Variants in INVS observed in about 807,000 individuals in gnomAD.
The protein encoded by INVS is inversion of embryo turning homolog.
A neutral mutation model predicts 108.8 loss-of-function variants in INVS; 86 were observed. The observed-to-expected ratio is 0.79, with a 90% CI of 0.66 to 0.95. The LOEUF (loss-of-function observed/expected upper bound fraction) is 0.95. Among genes scored for constraint, INVS ranks in the 40% least tolerant of loss-of-function variants. The probability of loss-of-function intolerance (pLI) is 0.00; values close to 1 mark genes in which losing one functional copy is unlikely to be tolerated. For missense variants in INVS, 1,169 were observed against 1,297.4 expected (o/e 0.90, Z 1.52); for synonymous variants, 455 against 473.5 (o/e 0.96, Z 0.51).
intron 15 of INVS, 103 bp from the exon 16 acceptor site, chr9:100,297,833 A>T (rs1833834070): frequency 8.6e-7 from 1 of 1,164,426 alleles, no homozygotes; most frequent in Non-Finnish European, 1.3e-6. Context: ...ATCTTGACAC[A>T]CACCTGCAAG....
intron 2 of INVS, among the ~76,000 whole-genome samples, chr9:100,113,617 TTGTA>T (rs1043755754): frequency 2.3e-4 from 35 of 152,334 alleles, no homozygotes; most frequent in African/African-American, 8.2e-4. Context: ...TACATACTAA[TTGTA>T]TGTGTTTATG....
chr9:100,256,722 G>T (rs1178704753), intron 10 of INVS, among the ~76,000 whole-genome samples: 9 of 152,118 alleles, frequency 5.9e-5, no homozygotes, highest in Non-Finnish European at 2.9e-5. Flanking sequence ...GTAGTTGAGT[G>T]GTTTTGAGTG....
chr9:100,301,637 A>G lies in INVS; in HGVS notation c.*963A>G, dbSNP rs1833972641. ...GGCTCTTTCACATTGTTTAAGGGGAAAGCTGCTGTGAGAATATTGACAGTA... is the reference window on the plus strand; with the variant it reads ...GGCTCTTTCACATTGTTTAAGGGGAGAGCTGCTGTGAGAATATTGACAGTA... On this transcript the variant is annotated 3_prime_UTR_variant, in exon 17 of 17. Transcript: ENST00000262457. Among the ~76,000 whole-genome samples, 1 of 152,194 alleles carries G rather than the reference A, an allele frequency of 6.6e-6. No homozygotes were observed. Among genetic ancestry groups the G allele is most frequent in the Non-Finnish European group, 1.5e-5 (1 of 68,026 alleles).
chr9:100,255,265 G>A (rs1832379428), intron 10 of INVS, among the ~76,000 whole-genome samples: 1 of 152,174 alleles, frequency 6.6e-6, no homozygotes, highest in Non-Finnish European at 1.5e-5. Context: ...CATTGATTTT[G>A]TATCCTGAGA....
rs111391100 is a variant in INVS, at chr9:100,236,564, G to A, written c.616-3496G>A. Among the ~76,000 whole-genome samples, 587 of 152,262 alleles carry A rather than the reference G, an allele frequency of 3.9e-3. 5 individuals carry two copies. Among genetic ancestry groups the A allele is most frequent in the African/African-American group, 0.013 (559 of 41,534 alleles). On this transcript the variant is annotated intron_variant, in intron 5 of 16. Coordinates refer to ENST00000262457, the MANE Select transcript of INVS (RefSeq NM_014425.5). ...TTGTGTGGGTGTCCTTTTTGTTGATGTTGATATTATTGCTTTCTGTTTGTT... is the reference window on the plus strand; with the variant it reads ...TTGTGTGGGTGTCCTTTTTGTTGATATTGATATTATTGCTTTCTGTTTGTT...
intron 2 of INVS, 94 bp downstream of exon 2, chr9:100,104,721 C>T (rs1827118079): frequency 1.3e-6 from 1 of 795,840 alleles, no homozygotes; most frequent in Non-Finnish European, 2.2e-6. Context: ...TGTACTCATA[C>T]ATTTTAATGG....
chr9:100,156,920 A>ATG (rs1300676086), intron 3 of INVS, among the ~76,000 whole-genome samples: 5 of 139,450 alleles, frequency 3.6e-5, no homozygotes, highest in Non-Finnish European at 1.5e-5. Flanking sequence ...ACTAATATAT[A>ATG]TGTATATATA....
intron 3 of INVS, among the ~76,000 whole-genome samples, chr9:100,206,059 A>C (rs1399941324): frequency 6.6e-6 from 1 of 152,140 alleles, no homozygotes; most frequent in African/African-American, 2.4e-5. Flanking sequence ...AAGTAAACCC[A>C]TAGTTTAATC....
chr9:100,145,285 A>G (rs1331397618), intron 3 of INVS, among the ~76,000 whole-genome samples: 1 of 151,282 alleles, frequency 6.6e-6, no homozygotes, highest in Non-Finnish European at 1.5e-5. Context: ...CGGGGCATGG[A>G]GATATAAGGG....
At chr9:100,175,866 G>A in intron 3 of INVS, 1 of 627,470 alleles carries the variant, frequency 1.6e-6, no homozygotes, top group Admixed American at 1.8e-5. Flanking sequence ...TTCTATAGCT[G>A]TGGAGAGGAA....
intron 3 of INVS, among the ~76,000 whole-genome samples, chr9:100,171,916 A>G (rs1010584389): frequency 1.3e-4 from 20 of 152,124 alleles, no homozygotes; most frequent in Non-Finnish European, 8.8e-5. Flanking sequence ...GATTTTAGGC[A>G]AGTTTTAAGT....
At chr9:100,266,092 C>T (rs1832785441) in intron 11 of INVS, among the ~76,000 whole-genome samples, 1 of 151,882 alleles carries the variant, frequency 6.6e-6, no homozygotes. Flanking sequence ...AAAAAAGGAA[C>T]AAACAGAATG....
chr9:100,194,405 G>T (rs752601865), intron 3 of INVS, among the ~76,000 whole-genome samples: 1 of 151,978 alleles, frequency 6.6e-6, no homozygotes, highest in Admixed American at 6.6e-5. Context: ...TCTTGTTTCT[G>T]CAAACTTGCT....
chr9:100,228,729 C>T (rs992862421), intron 4 of INVS, among the ~76,000 whole-genome samples: 9 of 152,116 alleles, frequency 5.9e-5, no homozygotes, highest in Admixed American at 3.9e-4. Context: ...CCTTTGTGTC[C>T]CAGAGCAGAT....
intron 14 of INVS, 142 bp from the exon 15 acceptor site, chr9:100,296,775 C>T (rs1399863382): frequency 1.3e-5 from 9 of 696,234 alleles, no homozygotes; most frequent in South Asian, 1.6e-5. Flanking sequence ...AACATGCTGC[C>T]GCCAAAATTA....
At chr9:100,191,092 C>T (rs1230402215) in intron 3 of INVS, among the ~76,000 whole-genome samples, 1 of 152,130 alleles carries the variant, frequency 6.6e-6, no homozygotes, top group Non-Finnish European at 1.5e-5. Context: ...AACTCCTGGT[C>T]TCAAGTAGTC....
intron 1 of INVS, among the ~76,000 whole-genome samples, chr9:100,103,234 A>G (rs996489271): frequency 2.0e-5 from 3 of 152,334 alleles, no homozygotes; most frequent in African/African-American, 7.2e-5. Context: ...ATCTCAGCTC[A>G]CTGCAAACCC....
intron 3 of INVS, among the ~76,000 whole-genome samples, chr9:100,191,294 T>G (rs560383164): frequency 4.6e-5 from 7 of 152,338 alleles, no homozygotes; most frequent in Non-Finnish European, 1.0e-4. Flanking sequence ...TTTGTTTGTC[T>G]TCTCCCTCAG....
chr9:100,220,971 T>TC lies in INVS; in HGVS notation c.274-5088dup, dbSNP rs1206262833. Among the ~76,000 whole-genome samples the TC allele has an allele frequency of 8.3e-4, 84 of 100,618 alleles. 1 individual carries two copies. Among genetic ancestry groups the TC allele is most frequent in the African/African-American group, 3.1e-3 (74 of 23,622 alleles). 66.0% of individuals were successfully genotyped at this position (100,618 alleles called of 152,430 possible). On this transcript the variant is annotated intron_variant, in intron 3 of 16. Coordinates refer to ENST00000262457, the MANE Select transcript of INVS (RefSeq NM_014425.5). ...AGCTGGGCAACAGAGCAAGACTCTG[T>TC]CCCAAAAAAAAAAAAAATAGATTAA...
Sources: gnomAD v4.1 joint callset for allele counts (sites outside exome capture counted in the v4.1 genomes callset) on GRCh38, gnomAD v4.1.1 for gene constraint, MANE v1.5 for transcripts, NCBI Gene and HGNC (gene_info 2026-07-23, HGNC 2026-07-21) for gene names.